The following TMEFF2 variants were observed in gnomAD, a reference collection of about 807,000 sequenced individuals.
TMEFF2 encodes transmembrane protein with EGF like and two follistatin like domains 2.
A neutral mutation model predicts 53.8 loss-of-function variants in TMEFF2; 28 were observed. That is an observed-to-expected ratio of 0.52 (90% CI 0.39 to 0.71). The LOEUF is 0.71. Among genes scored for constraint, TMEFF2 ranks in the 30% least tolerant of loss-of-function variants. TMEFF2 has a pLI of 0.00. For missense variants in TMEFF2, 353 were observed against 455.2 expected, an observed-to-expected ratio of 0.78 and a Z score of 2.04; for synonymous variants, 162 against 166.3, an observed-to-expected ratio of 0.97 and a Z score of 0.20.
At chr2:192,002,753 G>A (rs189563931) in intron 5 of TMEFF2, among the ~76,000 whole-genome samples, 39 of 152,110 alleles carry the variant, frequency 2.6e-4, no homozygotes, top group East Asian at 2.1e-3. Flanking sequence ...TCACTTGAAC[G>A]GGGGAGGCGG....
intron 7 of TMEFF2, among the ~76,000 whole-genome samples, chr2:191,978,955 T>G (rs1025006694): frequency 1.3e-5 from 2 of 152,276 alleles, no homozygotes; most frequent in Middle Eastern, 3.4e-3. Context: ...GCCAATTAAC[T>G]CCTCCAGGAG....
At chr2:192,087,096 A>G (rs1688684891) in intron 4 of TMEFF2, among the ~76,000 whole-genome samples, 1 of 151,304 alleles carries the variant, frequency 6.6e-6, no homozygotes, top group Admixed American at 6.6e-5. Flanking sequence ...AAACAAATAT[A>G]CTTATTTATA....
chr2:192,020,487 A>C (rs1686835726), intron 5 of TMEFF2, among the ~76,000 whole-genome samples: 1 of 152,122 alleles, frequency 6.6e-6, no homozygotes, highest in South Asian at 2.1e-4. Context: ...ATATGTATAT[A>C]CTTAGTATAA....
intron 4 of TMEFF2, among the ~76,000 whole-genome samples, chr2:192,164,960 GAATA>G (rs1160737409): frequency 8.1e-6 from 1 of 123,148 alleles, no homozygotes; most frequent in East Asian, 2.6e-4. Context: ...CTAGCAGAAT[GAATA>G]CTCTGAATAA....
chr2:191,987,762 T>G (rs1314820076), intron 7 of TMEFF2, among the ~76,000 whole-genome samples: 1 of 152,178 alleles, frequency 6.6e-6, no homozygotes, highest in African/African-American at 2.4e-5. Flanking sequence ...AAATGCTATT[T>G]GTAAGTCATT....
At chr2:191,988,269 C>T (rs2105823073) in intron 7 of TMEFF2, among the ~76,000 whole-genome samples, 1 of 152,254 alleles carries the variant, frequency 6.6e-6, no homozygotes, top group East Asian at 1.9e-4. Flanking sequence ...TCTCATGCTT[C>T]TATAGCTATA....
chr2:192,043,706 C>T (rs1317700013), intron 5 of TMEFF2: 1 of 152,210 alleles, frequency 6.6e-6, no homozygotes, highest in African/African-American at 2.4e-5. Context: ...GGCGGAAACC[C>T]CGCATTGGTT....
chr2:192,010,891 TAAC>T (rs1686610317), intron 5 of TMEFF2, among the ~76,000 whole-genome samples: 1 of 152,226 alleles, frequency 6.6e-6, no homozygotes, highest in African/African-American at 2.4e-5. Flanking sequence ...TGGTGCCTTC[TAAC>T]AAGAGGACAT....
At chr2:192,096,428 A>G (rs1177154303) in intron 4 of TMEFF2, among the ~76,000 whole-genome samples, 1 of 152,186 alleles carries the variant, frequency 6.6e-6, no homozygotes, top group Non-Finnish European at 1.5e-5. Context: ...CTCATTCTAC[A>G]TATAAGAGAT....
intron 5 of TMEFF2, among the ~76,000 whole-genome samples, chr2:192,011,922 T>C (rs572307736): frequency 6.6e-6 from 1 of 152,318 alleles, no homozygotes; most frequent in African/African-American, 2.4e-5. Context: ...CGTCTCGCTC[T>C]GTCATCCAGG....
intron 7 of TMEFF2, among the ~76,000 whole-genome samples, chr2:191,980,675 C>T (rs191405027): frequency 6.6e-6 from 1 of 152,154 alleles, no homozygotes; most frequent in African/African-American, 2.4e-5. Flanking sequence ...TGAGGGTTAC[C>T]ACATAATCAT....
chr2:192,036,118 AT>A (rs1252660243), intron 5 of TMEFF2: 1 of 152,148 alleles, frequency 6.6e-6, no homozygotes, highest in East Asian at 1.9e-4. Flanking sequence ...TTCATCATTC[AT>A]TTATTCATGT....
chr2:192,096,230 T>C (rs1270115706), intron 4 of TMEFF2, among the ~76,000 whole-genome samples: 1 of 152,178 alleles, frequency 6.6e-6, no homozygotes, highest in East Asian at 1.9e-4. Context: ...CCTGTTTCAT[T>C]TCAAAGGACA....
intron 2 of TMEFF2, among the ~76,000 whole-genome samples, chr2:192,188,986 T>C (rs999079184): frequency 6.6e-6 from 1 of 152,106 alleles, no homozygotes; most frequent in Non-Finnish European, 1.5e-5. Context: ...CATGTTTACA[T>C]ATGTAATAAA....
chr2:192,137,616 C>T (rs1690040859), intron 4 of TMEFF2, among the ~76,000 whole-genome samples: 1 of 151,924 alleles, frequency 6.6e-6, no homozygotes. Context: ...TATCATCTGG[C>T]AAGACCAATA....
chr2:192,062,243 TAATTC>T (rs1160250312), intron 4 of TMEFF2, among the ~76,000 whole-genome samples: 1 of 152,178 alleles, frequency 6.6e-6, no homozygotes, highest in African/African-American at 2.4e-5. Context: ...ATCAGTGGAA[TAATTC>T]AATATGTAAT....
chr2:192,001,639 T>G lies in TMEFF2; in HGVS notation c.537-2431A>C, dbSNP rs1198403981. On this transcript the variant is annotated intron_variant, in intron 5 of 9. Transcript: ENST00000272771. Reference sequence around the variant, plus strand: ...GACCTGGTGGGAGATAATTGAATCATGGGGGCAGGTATTTCCCTTGCTGTT... The same window carrying G: ...GACCTGGTGGGAGATAATTGAATCAGGGGGGCAGGTATTTCCCTTGCTGTT... Among the ~76,000 whole-genome samples, 4 of 152,124 alleles carry G rather than the reference T, an allele frequency of 2.6e-5. No individual in the cohort carries two copies. The East Asian group carries it at 7.7e-4, about 29-fold the overall frequency.
chr2:192,017,070 A>G lies in TMEFF2; in HGVS notation c.537-17862T>C, dbSNP rs955428781. Among the ~76,000 whole-genome samples the G allele has an allele frequency of 1.2e-4, 19 of 152,356 alleles. No individual in the cohort carries two copies. In the South Asian group the frequency reaches 2.9e-3, roughly 23 times the overall value. ...AGTCGAGTAGGACTTGGTCGGGCACAGAAGTGGGAGACAAATCTCCAATAT... is the reference window on the plus strand; with the variant it reads ...AGTCGAGTAGGACTTGGTCGGGCACGGAAGTGGGAGACAAATCTCCAATAT... On this transcript the variant is annotated intron_variant, in intron 5 of 9. Coordinates refer to ENST00000272771, the MANE Select transcript of TMEFF2 (RefSeq NM_016192.4).
intron 4 of TMEFF2, among the ~76,000 whole-genome samples, chr2:192,077,369 G>C (rs1688456003): frequency 6.6e-6 from 1 of 152,136 alleles, no homozygotes; most frequent in Admixed American, 6.6e-5. Flanking sequence ...AATAATGGAA[G>C]TATAATGTAT....
Sources: gnomAD v4.1 joint callset for allele counts (sites outside exome capture counted in the v4.1 genomes callset) on GRCh38, gnomAD v4.1.1 for gene constraint, MANE v1.5 for transcripts, NCBI Gene and HGNC (gene_info 2026-07-23, HGNC 2026-07-21) for gene names.